The following COP1 variants were observed in gnomAD, a reference collection of about 807,000 sequenced individuals.
The protein encoded by COP1 is COP1 E3 ubiquitin ligase.
COP1 carries 24 observed loss-of-function variants against 101.3 expected under a neutral mutation model. The ratio of observed to expected loss-of-function variants is 0.24; its 90% CI spans 0.17 to 0.33. The LOEUF is 0.33. Ranked by LOEUF, COP1 falls within the 10% of genes least tolerant of loss-of-function variation. The pLI is 1.00. For synonymous variants in COP1, 347 were observed against 341.9 expected (o/e 1.01, Z -0.17); for missense variants, 663 against 906.2 (o/e 0.73, Z 3.45).
Position 175,947,219 on chromosome 1 carries a change from A to G in COP1, c.2154T>C (p.Ala718=). Residue 718 remains alanine (A), a synonymous_variant, in exon 19 of 20, where the codon GCT becomes GCC. Transcript: ENST00000367669. ...LPDGESNVLI[A]ANSQGTIKVL... Reference sequence around the variant, plus strand: ...CCTTAATTGTACCCTGACTGTTAGCAGCAATCAGCACATTGGACTCCTAGA... The same window carrying G: ...CCTTAATTGTACCCTGACTGTTAGCGGCAATCAGCACATTGGACTCCTAGA... 5 of 1,610,808 alleles carry G rather than the reference A, an allele frequency of 3.1e-6. No individual in the cohort carries two copies. Among genetic ancestry groups the G allele is most frequent in the Non-Finnish European group, 4.2e-6 (5 of 1,176,974 alleles).
chr1:176,169,200 C>T (rs1695653568), intron 3 of COP1, among the ~76,000 whole-genome samples: 2 of 152,260 alleles, frequency 1.3e-5, no homozygotes, highest in African/African-American at 2.4e-5. Flanking sequence ...ATGGAATCCT[C>T]GTCATAGTAA....
At chr1:176,150,193 C>T (rs1692194346) in intron 5 of COP1, among the ~76,000 whole-genome samples, 1 of 152,142 alleles carries the variant, frequency 6.6e-6, no homozygotes, top group South Asian at 2.1e-4. Flanking sequence ...ACACCCACTT[C>T]CAGAGTCTAT....
chr1:176,148,281 AG>A (rs1486884242), intron 6 of COP1, among the ~76,000 whole-genome samples: 1 of 152,192 alleles, frequency 6.6e-6, no homozygotes, highest in East Asian at 1.9e-4. Flanking sequence ...GAATAAAGAT[AG>A]CCCAGAACAT....
At chr1:175,978,295 T>A (rs141552523) in intron 18 of COP1, among the ~76,000 whole-genome samples, 917 of 152,232 alleles carry the variant, frequency 6.0e-3, no homozygotes, top group Non-Finnish European at 9.6e-3. Context: ...TACAGAAATA[T>A]AAAAATGATA....
At chr1:176,008,471 C>G (rs529752912) in intron 15 of COP1, among the ~76,000 whole-genome samples, 2 of 152,176 alleles carry the variant, frequency 1.3e-5, no homozygotes, top group South Asian at 4.1e-4. Flanking sequence ...GTTTTTATTT[C>G]TTTTTGTTAA....
At chr1:176,130,115 G>C (rs1269807573) in intron 8 of COP1, among the ~76,000 whole-genome samples, 1 of 151,388 alleles carries the variant, frequency 6.6e-6, no homozygotes, top group Non-Finnish European at 1.5e-5. Context: ...AATCAAACCT[G>C]GTCTAAGTAT....
intron 18 of COP1, among the ~76,000 whole-genome samples, chr1:175,959,472 A>C (rs868135230): frequency 1.3e-5 from 2 of 152,242 alleles, no homozygotes; most frequent in African/African-American, 4.8e-5. Context: ...AAATGAATAA[A>C]GATATAAAGG....
chr1:176,163,032 C>T (rs1263231897), intron 4 of COP1, 44 bp from the exon 5 acceptor site: 3 of 1,576,192 alleles, frequency 1.9e-6, no homozygotes, highest in East Asian at 2.3e-5. Context: ...CCTATGAAGA[C>T]TGTTTTAGAG....
At chr1:175,948,464 C>T (rs560447463) in intron 18 of COP1, among the ~76,000 whole-genome samples, 7 of 152,158 alleles carry the variant, frequency 4.6e-5, no homozygotes, top group Admixed American at 6.5e-5. Context: ...ATAGGATCTA[C>T]CTAAATATCC....
chr1:176,118,365 T>C (rs368625989), intron 8 of COP1, among the ~76,000 whole-genome samples: 4 of 152,124 alleles, frequency 2.6e-5, no homozygotes, highest in Non-Finnish European at 5.9e-5. Flanking sequence ...TTTTAAGGCA[T>C]AGTTAATGGG....
chr1:176,201,892 T>C (rs755152669), intron 1 of COP1, among the ~76,000 whole-genome samples: 4 of 152,216 alleles, frequency 2.6e-5, no homozygotes, highest in Admixed American at 6.5e-5. Flanking sequence ...AAATAAGTTC[T>C]TGACAGATAT....
intron 1 of COP1, among the ~76,000 whole-genome samples, chr1:176,186,806 A>G (rs1450928532): frequency 2.0e-5 from 3 of 152,140 alleles, no homozygotes; most frequent in Admixed American, 6.6e-5. Flanking sequence ...AGTTGGGTTG[A>G]TGAGAAGTGG....
intron 15 of COP1, among the ~76,000 whole-genome samples, chr1:176,004,151 T>C (rs1420583345): frequency 6.6e-6 from 1 of 151,468 alleles, no homozygotes; most frequent in Admixed American, 6.6e-5. Flanking sequence ...GGCTCTCTGT[T>C]TGTCTGTTGT....
At chr1:176,158,094 G>A (rs1693739900) in intron 5 of COP1, among the ~76,000 whole-genome samples, 1 of 150,824 alleles carries the variant, frequency 6.6e-6, no homozygotes, top group African/African-American at 2.4e-5. Flanking sequence ...AACACAAAGG[G>A]GGAAAAAAAA....
intron 15 of COP1, among the ~76,000 whole-genome samples, chr1:176,019,912 T>A (rs909724035): frequency 4.5e-4 from 69 of 152,126 alleles, no homozygotes; most frequent in African/African-American, 1.6e-3. Flanking sequence ...TCCAATATGA[T>A]CTATTTATAT....
At chr1:176,137,061 T>G (rs962195803) in intron 6 of COP1, among the ~76,000 whole-genome samples, 2 of 152,152 alleles carry the variant, frequency 1.3e-5, no homozygotes, top group Non-Finnish European at 2.9e-5. Flanking sequence ...AATCATACTT[T>G]ATAAACAAAG....
chr1:176,158,179 T>C (rs143017955), intron 5 of COP1, among the ~76,000 whole-genome samples: 3 of 151,986 alleles, frequency 2.0e-5, no homozygotes, highest in African/African-American at 7.2e-5. Flanking sequence ...GGGAGAAACA[T>C]ATTTCATTAA....
At chr1:176,028,230 C>T (rs963299546) in intron 14 of COP1, among the ~76,000 whole-genome samples, 11 of 152,046 alleles carry the variant, frequency 7.2e-5, no homozygotes, top group African/African-American at 2.2e-4. Context: ...AACAGAATAA[C>T]ATTAAAACCA....
chr1:175,975,840 T>C (rs1176217516), intron 18 of COP1, among the ~76,000 whole-genome samples: 5 of 152,232 alleles, frequency 3.3e-5, no homozygotes, highest in Non-Finnish European at 5.9e-5. Flanking sequence ...GTTTTCTCTA[T>C]TCTAAGATGA....
Sources: allele counts gnomAD v4.1 joint callset (sites outside exome capture counted in the v4.1 genomes callset), GRCh38; gene constraint gnomAD v4.1.1; transcripts MANE v1.5; gene names NCBI Gene and HGNC (gene_info 2026-07-23, HGNC 2026-07-21).